Variants in DNAH9 observed in about 807,000 individuals in gnomAD.
DNAH9 encodes the protein dynein axonemal heavy chain 9, also known as DNAH9 variant protein.
In DNAH9, 345 loss-of-function variants were observed where a neutral mutation model predicts 471.6. The ratio of observed to expected loss-of-function variants is 0.73; its 90% CI spans 0.67 to 0.80. DNAH9 has a LOEUF of 0.80. Among genes scored for constraint, DNAH9 ranks in the 30% least tolerant of loss-of-function variants. The pLI, the probability that DNAH9 is intolerant of heterozygous loss-of-function variation, is 0.00. For missense variants in DNAH9, 5,407 were observed against 5,609.2 expected (o/e 0.96, Z 1.15); for synonymous variants, 2,093 against 2,123.6 (o/e 0.99, Z 0.40).
intron 61 of DNAH9, among the ~76,000 whole-genome samples, chr17:11,923,415 C>T (rs1974206132): frequency 6.6e-6 from 1 of 150,676 alleles, no homozygotes; most frequent in Admixed American, 6.6e-5. Context: ...GGGTTCACGC[C>T]ATTCTCCTGC....
chr17:11,884,501 CAATATACCTTT>C (rs1972821238), intron 56 of DNAH9: 2 of 453,328 alleles, frequency 4.4e-6, no homozygotes, highest in African/African-American at 4.0e-5. Context: ...TGTCCAGGAA[CAATATACCTTT>C]GACGGAAGAT....
At chr17:11,817,084 C>G (rs775112352) in intron 45 of DNAH9, among the ~76,000 whole-genome samples, 6 of 152,002 alleles carry the variant, frequency 3.9e-5, no homozygotes, top group Non-Finnish European at 8.8e-5. Context: ...AATAATGTTT[C>G]CGAACTTTAG....
intron 43 of DNAH9, among the ~76,000 whole-genome samples, chr17:11,798,351 T>C (rs1191729981): frequency 6.8e-6 from 1 of 147,280 alleles, no homozygotes; most frequent in Non-Finnish European, 1.5e-5. Flanking sequence ...GAGAATCGCT[T>C]GAACCTGGGA....
chr17:11,924,464 G>GA (rs1217318400), intron 62 of DNAH9, among the ~76,000 whole-genome samples: 1 of 151,308 alleles, frequency 6.6e-6, no homozygotes, highest in Non-Finnish European at 1.5e-5. Context: ...CAGTTACAAG[G>GA]AAAAAAAGGC....
intron 2 of DNAH9, among the ~76,000 whole-genome samples, chr17:11,610,131 G>C (rs2072602702): frequency 6.6e-6 from 1 of 152,180 alleles, no homozygotes; most frequent in Admixed American, 6.5e-5. Context: ...CTAGTCTTCA[G>C]GATATTGATG....
intron 24 of DNAH9, among the ~76,000 whole-genome samples, chr17:11,702,549 G>A (rs966949911): frequency 6.6e-6 from 1 of 152,304 alleles, no homozygotes; most frequent in East Asian, 1.9e-4. Flanking sequence ...GAGGAGGAAG[G>A]AGGAACCAGT....
chr17:11,875,374 A>T (rs1972435507), intron 53 of DNAH9, among the ~76,000 whole-genome samples, 190 bp downstream of exon 53: 1 of 152,066 alleles, frequency 6.6e-6, no homozygotes, highest in Non-Finnish European at 1.5e-5. Context: ...TTTGCTTTTT[A>T]TCCACATGAG....
At chr17:11,750,307 A>G (rs1273690068) in intron 32 of DNAH9, among the ~76,000 whole-genome samples, 2 of 152,192 alleles carry the variant, frequency 1.3e-5, no homozygotes, top group African/African-American at 4.8e-5. Flanking sequence ...TTAAAAGAAT[A>G]CAAATCAACA....
chr17:11,621,864 A>G (rs369996606), intron 6 of DNAH9, among the ~76,000 whole-genome samples: 35 of 152,226 alleles, frequency 2.3e-4, no homozygotes, highest in Middle Eastern at 3.4e-3. Flanking sequence ...GGTGGATCAC[A>G]AGGTCAGGAG....
intron 6 of DNAH9, among the ~76,000 whole-genome samples, chr17:11,625,685 T>C (rs767365585): frequency 3.3e-5 from 5 of 152,142 alleles, no homozygotes; most frequent in Non-Finnish European, 5.9e-5. Context: ...AGAGCACATA[T>C]TGAATCCTCC....
At chr17:11,700,453 A>G (rs932712842) in intron 23 of DNAH9, among the ~76,000 whole-genome samples, 5 of 152,144 alleles carry the variant, frequency 3.3e-5, no homozygotes, top group Middle Eastern at 3.2e-3. Flanking sequence ...GGGACCATTT[A>G]CCCCTTAAGC....
chr17:11,860,148 G>C (rs768532281), intron 50 of DNAH9, among the ~76,000 whole-genome samples: 1 of 152,136 alleles, frequency 6.6e-6, no homozygotes, highest in Non-Finnish European at 1.5e-5. Flanking sequence ...TTCTGTGAAC[G>C]TGTCTATATT....
intron 49 of DNAH9, among the ~76,000 whole-genome samples, chr17:11,841,222 G>C (rs1265940770): frequency 2.0e-5 from 3 of 152,054 alleles, no homozygotes; most frequent in Non-Finnish European, 2.9e-5. Flanking sequence ...AATGATCAAG[G>C]CAAGTCTCAA....
At chr17:11,688,490 G>T (rs1392023628) in intron 19 of DNAH9, among the ~76,000 whole-genome samples, 3 of 152,224 alleles carry the variant, frequency 2.0e-5, no homozygotes, top group Non-Finnish European at 2.9e-5. Context: ...GGGCTTTGCA[G>T]CCAGTCTTCA....
intron 67 of DNAH9, among the ~76,000 whole-genome samples, chr17:11,949,827 T>G (rs1567571291): frequency 6.6e-6 from 1 of 152,178 alleles, no homozygotes; most frequent in Non-Finnish European, 1.5e-5. Context: ...GGTTCTCTTC[T>G]CCAGGGCTGT....
At chr17:11,956,311 G>A (rs1975637628) in intron 67 of DNAH9, among the ~76,000 whole-genome samples, 1 of 151,990 alleles carries the variant, frequency 6.6e-6, no homozygotes, top group Admixed American at 6.6e-5. Flanking sequence ...AAGTGTATAG[G>A]CACCTCATAA....
chr17:11,827,007 T>A (rs939083571), intron 48 of DNAH9, among the ~76,000 whole-genome samples: 7 of 151,924 alleles, frequency 4.6e-5, no homozygotes, highest in African/African-American at 1.7e-4. Flanking sequence ...GTATTTTTAG[T>A]AGAGATGGGG....
chr17:11,778,329 C>CAAAA (rs57983162), intron 38 of DNAH9, among the ~76,000 whole-genome samples: 813 of 48,656 alleles, frequency 0.017, 1 homozygote, highest in Non-Finnish European at 0.028. Flanking sequence ...GACTCCATCT[C>CAAAA]AAAAAAAAAA....
intron 41 of DNAH9, among the ~76,000 whole-genome samples, chr17:11,786,309 A>G (rs1029197479): frequency 5.3e-5 from 8 of 152,262 alleles, no homozygotes; most frequent in Admixed American, 5.2e-4. Context: ...CAGAGAAGTT[A>G]CTAGCTAGTC....
Sources: allele counts gnomAD v4.1 joint callset (sites outside exome capture counted in the v4.1 genomes callset), GRCh38; gene constraint gnomAD v4.1.1; transcripts MANE v1.5; gene names NCBI Gene and HGNC (gene_info 2026-07-23, HGNC 2026-07-21).